NTNG1: variants seen among roughly 807,000 people sequenced by gnomAD.
NTNG1 encodes netrin-G1.
Under a neutral mutation model 54.0 loss-of-function variants are expected in NTNG1, and 16 were observed. The ratio of observed to expected loss-of-function variants is 0.30; its 90% CI spans 0.20 to 0.45. The LOEUF (loss-of-function observed/expected upper bound fraction) is 0.45, where lower values mean the gene tolerates loss of function less well. NTNG1 is among the 20% of genes least tolerant of loss of function. The probability of loss-of-function intolerance (pLI) is 1.00; values close to 1 mark genes in which losing one functional copy is unlikely to be tolerated. For missense variants in NTNG1, 530 were observed against 678.7 expected, an observed-to-expected ratio of 0.78 and a Z score of 2.43; for synonymous variants, 255 against 263.1, an observed-to-expected ratio of 0.97 and a Z score of 0.30.
intron 7 of NTNG1, among the ~76,000 whole-genome samples, chr1:107,477,715 C>T (rs1328200): frequency 0.38 from 31,256 of 81,770 alleles, 3,876 homozygotes; most frequent in East Asian, 0.53. Flanking sequence ...TTTGTAAATA[C>T]GTTTTTTGTA....
In NTNG1 at chr1:107,423,452, G is replaced by A. The variant is rs143097667; in HGVS notation, c.1088-7298G>A. 4.5e-3 allele frequency among the ~76,000 whole-genome samples: 685 copies of A among 152,136 alleles called. 6 individuals are homozygous for A. The highest frequency in any genetic ancestry group is 0.016 in the African/African-American group (644 of 41,534). On this transcript the variant is annotated intron_variant, in intron 5 of 7. Coordinates refer to ENST00000370068, the MANE Select transcript of NTNG1 (RefSeq NM_001113226.3). ...AGTTATTTGGCCCAAAATGGCAATC[G>A]TGCCAAGGTTGAGAAACCCCACACT...
chr1:107,283,468 T>A (rs1664997816), intron 2 of NTNG1, among the ~76,000 whole-genome samples: 1 of 152,222 alleles, frequency 6.6e-6, no homozygotes, highest in African/African-American at 2.4e-5. Context: ...ATGGGTTATG[T>A]TAGTGCAAAT....
chr1:107,403,702 CAAA>C (rs35555244), intron 4 of NTNG1: 2 of 134,018 alleles, frequency 1.5e-5, no homozygotes, highest in East Asian at 2.2e-4. Flanking sequence ...AAGACTCTGT[CAAA>C]AAAAAAAAAA....
At chr1:107,377,074 T>C (rs1444924064) in intron 3 of NTNG1, among the ~76,000 whole-genome samples, 1 of 152,226 alleles carries the variant, frequency 6.6e-6, no homozygotes, top group Non-Finnish European at 1.5e-5. Flanking sequence ...CTCCTCTTCC[T>C]GGCTTACATG....
At chr1:107,270,258 CTG>C (rs1000090177) in intron 2 of NTNG1, among the ~76,000 whole-genome samples, 3 of 152,118 alleles carry the variant, frequency 2.0e-5, no homozygotes, top group African/African-American at 7.2e-5. Context: ...ATAGTGAAAA[CTG>C]TTTTATTATT....
chr1:107,253,958 G>A (rs2101627643), intron 2 of NTNG1, among the ~76,000 whole-genome samples: 1 of 152,322 alleles, frequency 6.6e-6, no homozygotes, highest in South Asian at 2.1e-4. Context: ...TACTATTCGG[G>A]ACAGTGCTTA....
chr1:107,484,024 T>A lies in NTNG1; in HGVS notation c.*3184T>A, dbSNP rs959718783. The stretch of plus-strand genomic sequence containing the variant: ...CAGATATCAGGAACCTAGAGTTTCC[T>A]ACTCAGATAACCGCCCCCCACACGC... On this transcript the variant is annotated 3_prime_UTR_variant, in exon 8 of 8. Coordinates refer to ENST00000370068, the MANE Select transcript of NTNG1 (RefSeq NM_001113226.3). Among the ~76,000 whole-genome samples the A allele has an allele frequency of 4.6e-5, 7 of 152,194 alleles. No homozygotes were observed. The highest frequency in any genetic ancestry group is 1.7e-4 in the African/African-American group (7 of 41,452).
At chr1:107,249,808 A>G (rs1043187039) in intron 2 of NTNG1, among the ~76,000 whole-genome samples, 1 of 152,214 alleles carries the variant, frequency 6.6e-6, no homozygotes, top group African/African-American at 2.4e-5. Context: ...CTATGGGACT[A>G]ACACTTTATG....
At chr1:107,220,988 G>A (rs1660303466) in intron 2 of NTNG1, among the ~76,000 whole-genome samples, 1 of 151,636 alleles carries the variant, frequency 6.6e-6, no homozygotes, top group African/African-American at 2.4e-5. Flanking sequence ...TATTATCAAT[G>A]TAACCTTGAG....
intron 2 of NTNG1, among the ~76,000 whole-genome samples, chr1:107,160,170 T>C (rs1655304892): frequency 6.6e-6 from 1 of 152,186 alleles, no homozygotes; most frequent in Non-Finnish European, 1.5e-5. Context: ...CAGTTTAAAC[T>C]TAATGTGTTT....
upstream of NTNG1, chr1:107,140,715 T>C (rs1304220181): frequency 2.1e-5 from 3 of 142,060 alleles, no homozygotes; most frequent in Non-Finnish European, 4.5e-5. Flanking sequence ...GCCTGGCCGC[T>C]GGTTCTGATC....
intron 2 of NTNG1, among the ~76,000 whole-genome samples, chr1:107,149,764 G>GTTT: frequency 6.7e-6 from 1 of 148,878 alleles, no homozygotes; most frequent in East Asian, 2.0e-4. Flanking sequence ...AGTTCATTTG[G>GTTT]TTTTTTTTTT....
chr1:107,284,821 A>G (rs1665089632), intron 2 of NTNG1, among the ~76,000 whole-genome samples: 1 of 152,118 alleles, frequency 6.6e-6, no homozygotes, highest in South Asian at 2.1e-4. Flanking sequence ...GACTGATATT[A>G]AAAAGTGAAG....
At chr1:107,202,307 T>TTATA in intron 2 of NTNG1, among the ~76,000 whole-genome samples, 1 of 151,930 alleles carries the variant, frequency 6.6e-6, no homozygotes, top group South Asian at 2.1e-4. Context: ...TTTGTTTAAC[T>TTATA]TATATATATC....
chr1:107,406,084 C>A (rs1442505123), intron 4 of NTNG1, among the ~76,000 whole-genome samples: 10 of 152,062 alleles, frequency 6.6e-5, no homozygotes, highest in South Asian at 2.1e-4. Context: ...CATTTAAAAT[C>A]AAGATATTTT....
chr1:107,423,071 T>C (rs2101258964), intron 5 of NTNG1, among the ~76,000 whole-genome samples: 1 of 152,234 alleles, frequency 6.6e-6, no homozygotes, highest in East Asian at 1.9e-4. Context: ...TAGAGGGGAC[T>C]TGGTCCTTTC....
chr1:107,300,677 G>A (rs1666261322), intron 2 of NTNG1, among the ~76,000 whole-genome samples: 2 of 152,186 alleles, frequency 1.3e-5, no homozygotes, highest in Admixed American at 1.3e-4. Flanking sequence ...AGAGAATTCA[G>A]TTCAAGCAAG....
At chr1:107,409,849 T>C (rs1360309341) in intron 5 of NTNG1, 1 of 152,102 alleles carries the variant, frequency 6.6e-6, no homozygotes, top group Non-Finnish European at 1.5e-5. Context: ...CCATCAAACG[T>C]GATTGTATCT....
At chr1:107,300,976 T>A (rs948219140) in intron 2 of NTNG1, among the ~76,000 whole-genome samples, 8 of 152,138 alleles carry the variant, frequency 5.3e-5, no homozygotes, top group African/African-American at 1.9e-4. Flanking sequence ...ATAGATTCTT[T>A]CCTTTTTTCT....
Sources: allele counts gnomAD v4.1 joint callset (sites outside exome capture counted in the v4.1 genomes callset), GRCh38; gene constraint gnomAD v4.1.1; transcripts MANE v1.5; gene names NCBI Gene and HGNC (gene_info 2026-07-23, HGNC 2026-07-21).